The following CRB1 variants were observed in gnomAD, a reference collection of about 807,000 sequenced individuals.
The protein encoded by CRB1 is crumbs cell polarity complex component 1.
In CRB1, 83 loss-of-function variants were observed where a neutral mutation model predicts 120.0. The ratio of observed to expected loss-of-function variants is 0.69; its 90% CI spans 0.58 to 0.83. CRB1 has a LOEUF of 0.83. CRB1 is among the 40% of genes least tolerant of loss of function. CRB1 has a pLI of 0.00. For missense variants in CRB1, 1,699 were observed against 1,687.6 expected (o/e 1.01, Z -0.12); for synonymous variants, 625 against 612.5 (o/e 1.02, Z -0.30).
At chr1:197,400,006 C>G (rs1487700535) in intron 5 of CRB1, among the ~76,000 whole-genome samples, 1 of 152,108 alleles carries the variant, frequency 6.6e-6, no homozygotes, top group East Asian at 1.9e-4. Flanking sequence ...AGTCCAGACT[C>G]AAGGGGAGGG....
intron 1 of CRB1, among the ~76,000 whole-genome samples, chr1:197,286,235 A>C: frequency 6.6e-6 from 1 of 151,982 alleles, no homozygotes; most frequent in African/African-American, 2.4e-5. Flanking sequence ...CAAAGGGCAC[A>C]GTCTTTTCCC....
chr1:197,209,490 C>A, the CRB1 span, among the ~76,000 whole-genome samples: 3 of 151,866 alleles, frequency 2.0e-5, no homozygotes, highest in East Asian at 5.8e-4. Flanking sequence ...GGACTACAGG[C>A]GAGTGCCACC....
At chr1:197,251,585 G>A in the CRB1 span, among the ~76,000 whole-genome samples, 2 of 151,974 alleles carry the variant, frequency 1.3e-5, no homozygotes, top group African/African-American at 2.4e-5. Flanking sequence ...TTCTACTTTT[G>A]TCATGGCAAA....
chr1:197,477,638 C>T (rs1667253375), intron 11 of CRB1, 26 bp from the exon 12 acceptor site: 1 of 1,604,940 alleles, frequency 6.2e-7, no homozygotes, highest in Non-Finnish European at 8.5e-7. Context: ...ATAGAATTCG[C>T]ATCCCAATGA....
At chr1:197,323,644 G>T (rs780048624) in intron 1 of CRB1, among the ~76,000 whole-genome samples, 13 of 152,112 alleles carry the variant, frequency 8.5e-5, no homozygotes, top group Non-Finnish European at 1.6e-4. Context: ...TTTCATGATT[G>T]ACAGTGAGTA....
At chr1:197,342,238 G>A (rs914009544) in intron 2 of CRB1, among the ~76,000 whole-genome samples, 1 of 152,136 alleles carries the variant, frequency 6.6e-6, no homozygotes, top group Admixed American at 6.6e-5. Flanking sequence ...CACATCCTGA[G>A]GCTTCTCATT....
At chr1:197,391,625 G>A (rs1254334363) in intron 5 of CRB1, among the ~76,000 whole-genome samples, 1 of 152,062 alleles carries the variant, frequency 6.6e-6, no homozygotes, top group Non-Finnish European at 1.5e-5. Context: ...TCTGATAGTT[G>A]CATCCTGGAA....
chr1:197,441,450 C>T (rs1184053651), intron 10 of CRB1: 1 of 152,108 alleles, frequency 6.6e-6, no homozygotes. Flanking sequence ...CTTGATGTCA[C>T]TTGTCTTGGA....
At chr1:197,442,565 G>T in intron 11 of CRB1, 1 of 1,412,074 alleles carries the variant, frequency 7.1e-7, no homozygotes, top group Non-Finnish European at 9.2e-7. Context: ...AAACATATCA[G>T]AAGCACTTTG....
In CRB1 at chr1:197,299,172, A is replaced by C. The variant is rs567162662; in HGVS notation, c.71-29250A>C. Among the ~76,000 whole-genome samples, 64 of 152,270 alleles carry C rather than the reference A, an allele frequency of 4.2e-4. No homozygotes were observed. The South Asian group carries it at 0.013, about 31-fold the overall frequency. ...TCAATGAGAAAGTGACAATGGACCAATTAATAAAATGGAAATGAGACATGA... is the reference window on the plus strand; with the variant it reads ...TCAATGAGAAAGTGACAATGGACCACTTAATAAAATGGAAATGAGACATGA... On this transcript the variant is annotated intron_variant, in intron 1 of 11. Transcript: ENST00000367400.
intron 1 of CRB1, among the ~76,000 whole-genome samples, chr1:197,276,453 C>T (rs1655213670): frequency 6.6e-6 from 1 of 151,728 alleles, no homozygotes; most frequent in African/African-American, 2.4e-5. Flanking sequence ...CTGTTCTAGG[C>T]TCCAAGGGTA....
Position 197,271,380 on chromosome 1 carries a change from C to T in CRB1, c.70+2898C>T, listed in dbSNP as rs184112497. Among the ~76,000 whole-genome samples, 297 of 152,200 alleles carry T rather than the reference C, an allele frequency of 2.0e-3. 1 individual carries two copies. Among genetic ancestry groups the T allele is most frequent in the African/African-American group, 6.8e-3 (283 of 41,540 alleles). ...CTACCTTGCTCAGCTACCAGGGGAA[C>T]GCTGTTTATGTTTTGATCAACCTTT... On this transcript the variant is annotated intron_variant, in intron 1 of 11. Transcript: ENST00000367400.
At chr1:197,417,241 T>TC (rs1664053951) in intron 5 of CRB1, among the ~76,000 whole-genome samples, 2 of 152,132 alleles carry the variant, frequency 1.3e-5, no homozygotes, top group South Asian at 4.1e-4. Flanking sequence ...TTAGACTAGA[T>TC]TCTCCACCTG....
intron 5 of CRB1, among the ~76,000 whole-genome samples, chr1:197,410,984 T>G (rs912314005): frequency 6.6e-6 from 1 of 152,204 alleles, no homozygotes; most frequent in Non-Finnish European, 1.5e-5. Context: ...CTGTTGGTAC[T>G]AGTTTTCACA....
the CRB1 span, among the ~76,000 whole-genome samples, chr1:197,250,617 G>T: frequency 5.3e-5 from 8 of 152,004 alleles, no homozygotes; most frequent in Non-Finnish European, 1.2e-4. Context: ...GGCGTAGAGA[G>T]GGGGCTTGTG....
intron 5 of CRB1, among the ~76,000 whole-genome samples, chr1:197,363,634 TGCAGGCTTTTGCTCCCTTTTCC>T (rs906023316): frequency 6.6e-6 from 1 of 152,120 alleles, no homozygotes; most frequent in Non-Finnish European, 1.5e-5. Context: ...AAGGCAGGTT[TGCAGGCTTTTGCTCCCTTTTCC>T]AAAGACCAAC....
chr1:197,328,437 A>C lies in CRB1; in HGVS notation c.86A>C (p.Lys29Thr), dbSNP rs1454321035. The C allele has an allele frequency of 5.0e-6, 8 of 1,613,542 alleles. No homozygotes were observed. The highest frequency in any genetic ancestry group is 6.8e-6 in the Non-Finnish European group (8 of 1,179,596). ...TTCCTTGTAGATTCCTTTTGCAATA[A>C]AAACAACACCAGGTGCCTCTCAAAT... ...LIYIKNSFCN[K>T]NNTRCLSNSC... The change falls in exon 2 of 12, where the codon AAA (lysine) becomes ACA (threonine). Residue 29 changes from lysine to threonine, a missense_variant. Physicochemically the swap from Lys to Thr is moderately conservative, Grantham distance 78. Coordinates refer to ENST00000367400, the MANE Select transcript of CRB1 (RefSeq NM_201253.3).
At chr1:197,353,482 G>A (rs1203999136) in intron 4 of CRB1, among the ~76,000 whole-genome samples, 2 of 152,124 alleles carry the variant, frequency 1.3e-5, no homozygotes, top group Admixed American at 6.5e-5. Flanking sequence ...TATTGCAAAG[G>A]GCCTTAGGCG....
intron 1 of CRB1, among the ~76,000 whole-genome samples, chr1:197,273,015 G>C (rs953522108): frequency 1.3e-5 from 2 of 152,146 alleles, no homozygotes; most frequent in Non-Finnish European, 2.9e-5. Flanking sequence ...GGGAAAAACT[G>C]TTCACCTAAG....
Sources: gnomAD v4.1 joint callset for allele counts (sites outside exome capture counted in the v4.1 genomes callset) on GRCh38, gnomAD v4.1.1 for gene constraint, MANE v1.5 for transcripts, NCBI Gene and HGNC (gene_info 2026-07-23, HGNC 2026-07-21) for gene names.